SERGEF: variants seen among roughly 807,000 people sequenced by gnomAD.
The protein encoded by SERGEF is secretion-regulating guanine nucleotide exchange factor.
SERGEF carries 51 observed loss-of-function variants against 50.0 expected under a neutral mutation model. That is an observed-to-expected ratio of 1.02 (90% CI 0.81 to 1.29). The LOEUF is 1.29. Ranked by LOEUF, SERGEF falls within the 50% of genes most tolerant of loss-of-function variation. SERGEF has a pLI of 0.00. For synonymous variants in SERGEF, 205 were observed against 212.4 expected, an observed-to-expected ratio of 0.97 and a Z score of 0.30; for missense variants, 521 against 557.0, an observed-to-expected ratio of 0.94 and a Z score of 0.65.
intron 5 of SERGEF, among the ~76,000 whole-genome samples, chr11:17,997,726 C>T (rs1339989699): frequency 6.6e-6 from 1 of 152,178 alleles, no homozygotes; most frequent in Admixed American, 6.5e-5. Context: ...ATATCCTACT[C>T]CATGGATGAA....
rs139823943 is a variant in SERGEF at position 18,004,478 on chromosome 11, T to G, written c.410A>C (p.His137Pro). The G allele has an allele frequency of 6.2e-6, 10 of 1,614,000 alleles. No individual in the cohort carries two copies. In the South Asian group the frequency reaches 1.1e-4, roughly 18 times the overall value. ...GGGAACCACACATCTTCGAGGTCCA[T>G]GAGGAACTCCTAACTGGCCAAAGGA... ...SNSFGQLGVP[H>P]GPRRCVVPQA... Residue 137 changes from histidine to proline, a missense_variant, in exon 4 of 11, where the codon CAT (histidine) becomes CCT (proline). His to Pro is a moderately conservative substitution (Grantham distance 77, BLOSUM62 -2). Coordinates refer to ENST00000265965, the MANE Select transcript of SERGEF (RefSeq NM_012139.4).
intron 10 of SERGEF, among the ~76,000 whole-genome samples, chr11:17,830,699 T>C (rs2133853424): frequency 8.8e-6 from 1 of 113,954 alleles, no homozygotes; most frequent in East Asian, 3.3e-4. Flanking sequence ...CACATGTACA[T>C]GCAAGAGTAA....
chr11:17,848,234 T>C (rs140582127), intron 10 of SERGEF, among the ~76,000 whole-genome samples: 30 of 152,174 alleles, frequency 2.0e-4, no homozygotes, highest in Non-Finnish European at 3.5e-4. Flanking sequence ...ACAAATTTTA[T>C]AGAAAGAAGG....
At position 17,884,061 on chromosome 11, in the gene SERGEF, G is replaced by A. The variant is rs1003313998; in HGVS notation, c.1012-5817C>T. Reference sequence around the variant, plus strand: ...AGGCCAGCCCCACGCCACCAGCCAGGGGCCGCTTTCCTCTACCAGAGAGGG... The same window carrying A: ...AGGCCAGCCCCACGCCACCAGCCAGAGGCCGCTTTCCTCTACCAGAGAGGG... On this transcript the variant is annotated intron_variant, in intron 9 of 10. Transcript: ENST00000265965. This position sits in a 1 kb window ranked among gnomAD's most constrained non-coding sequence, Gnocchi z 4.6. Among the ~76,000 whole-genome samples, 5 of 152,162 alleles carry A rather than the reference G, an allele frequency of 3.3e-5. No individual in the cohort carries two copies. The highest frequency in any genetic ancestry group is 2.9e-5 in the Non-Finnish European group (2 of 68,020).
intron 10 of SERGEF, among the ~76,000 whole-genome samples, chr11:17,828,471 G>A (rs986084978): frequency 6.6e-6 from 1 of 152,212 alleles, no homozygotes; most frequent in Non-Finnish European, 1.5e-5. Context: ...CACAGCGCAC[G>A]GCTGTCGCCT....
intron 3 of SERGEF, among the ~76,000 whole-genome samples, chr11:18,006,246 C>T (rs181977408): frequency 1.7e-3 from 254 of 152,334 alleles, no homozygotes; most frequent in African/African-American, 5.8e-3. Flanking sequence ...GCAACCTCCA[C>T]CTCCCAGGAT....
chr11:17,927,358 T>C (rs572636693), intron 9 of SERGEF, among the ~76,000 whole-genome samples: 2 of 152,322 alleles, frequency 1.3e-5, no homozygotes, highest in Admixed American at 6.5e-5. Context: ...CACTAAAACC[T>C]AAGAAAGAAG....
At chr11:17,807,949 G>C (rs1849792992) in intron 10 of SERGEF, among the ~76,000 whole-genome samples, 1 of 152,236 alleles carries the variant, frequency 6.6e-6, no homozygotes, top group Non-Finnish European at 1.5e-5. Context: ...TTCTAAGTCA[G>C]TCCTGACCCA....
chr11:17,846,350 A>C (rs1850611074), intron 10 of SERGEF, among the ~76,000 whole-genome samples: 1 of 151,982 alleles, frequency 6.6e-6, no homozygotes, highest in Admixed American at 6.6e-5. Flanking sequence ...ATTCTGAAAC[A>C]CTCCAGGCCC....
intron 10 of SERGEF, among the ~76,000 whole-genome samples, chr11:17,810,003 T>C (rs1205025730): frequency 6.6e-6 from 1 of 152,160 alleles, no homozygotes; most frequent in Non-Finnish European, 1.5e-5. Context: ...TACCTGCTGG[T>C]TGGAGTGAGA....
intron 9 of SERGEF, among the ~76,000 whole-genome samples, chr11:17,937,583 TAA>T (rs1300380004): frequency 6.6e-6 from 1 of 152,100 alleles, no homozygotes; most frequent in East Asian, 1.9e-4. Flanking sequence ...TACAATGGTA[TAA>T]GTGGTTTTCC....
chr11:17,917,008 A>G (rs1590196076), intron 9 of SERGEF, among the ~76,000 whole-genome samples: 1 of 152,232 alleles, frequency 6.6e-6, no homozygotes, highest in Non-Finnish European at 1.5e-5. Flanking sequence ...AACAGTGTGG[A>G]GATTCCTTAA....
chr11:18,001,409 C>T (rs1212019352), intron 4 of SERGEF, among the ~76,000 whole-genome samples: 1 of 152,196 alleles, frequency 6.6e-6, no homozygotes, highest in Non-Finnish European at 1.5e-5. Flanking sequence ...TGCTTAGCAT[C>T]TCTCCCTCTC....
intron 4 of SERGEF, among the ~76,000 whole-genome samples, chr11:18,001,392 G>A (rs1233032853): frequency 6.6e-6 from 1 of 152,126 alleles, no homozygotes. Context: ...AAGGCACTAA[G>A]GCTTCCTGCT....
At chr11:17,905,580 C>A (rs904217035) in intron 9 of SERGEF, among the ~76,000 whole-genome samples, 89 of 152,342 alleles carry the variant, frequency 5.8e-4, no homozygotes, top group African/African-American at 2.0e-3. Context: ...GGACCCAGGG[C>A]TCCTTCTCTA....
chr11:17,877,770 T>G (rs969743576), intron 10 of SERGEF: 3 of 154,576 alleles, frequency 1.9e-5, no homozygotes, highest in African/African-American at 7.2e-5. Context: ...AGTTCCTGAG[T>G]GCCACTAAAT....
At chr11:17,807,537 A>G (rs923355810) in intron 10 of SERGEF, among the ~76,000 whole-genome samples, 1 of 152,240 alleles carries the variant, frequency 6.6e-6, no homozygotes, top group African/African-American at 2.4e-5. Flanking sequence ...TAGCTGGCTC[A>G]GCCAACGAAG....
chr11:17,847,096 A>C (rs539798247), intron 10 of SERGEF, among the ~76,000 whole-genome samples: 1 of 152,358 alleles, frequency 6.6e-6, no homozygotes, highest in South Asian at 2.1e-4. Context: ...ATCAGGCAGC[A>C]CCGCTGCAGC....
intron 9 of SERGEF, among the ~76,000 whole-genome samples, chr11:17,949,318 T>A (rs1206144813): frequency 1.3e-5 from 2 of 151,962 alleles, no homozygotes; most frequent in African/African-American, 4.8e-5. Context: ...CAATATAAAG[T>A]ACCCAATGGA....
Sources: allele counts gnomAD v4.1 joint callset (sites outside exome capture counted in the v4.1 genomes callset), GRCh38; gene constraint gnomAD v4.1.1; non-coding constraint Gnocchi (gnomAD v3.1); transcripts MANE v1.5; gene names NCBI Gene and HGNC (gene_info 2026-07-23, HGNC 2026-07-21).